Variants in NRXN3 observed in about 807,000 individuals in gnomAD.
NRXN3 encodes the protein neurexin 3.
Under a neutral mutation model 137.6 loss-of-function variants are expected in NRXN3, and 32 were observed. That is an observed-to-expected ratio of 0.23 (90% confidence interval 0.18 to 0.31). NRXN3 has a LOEUF of 0.31. Among genes scored for constraint, NRXN3 ranks in the 10% least tolerant of loss-of-function variants. NRXN3 has a pLI of 1.00. For synonymous variants in NRXN3, 798 were observed against 784.5 expected (o/e 1.02, Z -0.29); for missense variants, 1,574 against 2,062.5 (o/e 0.76, Z 4.59).
At chr14:78,541,491 G>A (rs1397797955) in intron 4 of NRXN3, among the ~76,000 whole-genome samples, 4 of 152,114 alleles carry the variant, frequency 2.6e-5, no homozygotes, top group African/African-American at 9.7e-5. Context: ...TTCTCTCACT[G>A]TTTGTTCTAG....
At chr14:78,237,009 G>A (rs538011183) in intron 1 of NRXN3, among the ~76,000 whole-genome samples, 21 of 152,308 alleles carry the variant, frequency 1.4e-4, no homozygotes, top group African/African-American at 4.6e-4. Flanking sequence ...GTTTAATTGA[G>A]GGAGCACATT....
At position 78,578,018 on chromosome 14, in the gene NRXN3, T is replaced by C. The variant is rs538578361; in HGVS notation, c.758-67102T>C. Among the ~76,000 whole-genome samples, 20 of 152,272 alleles carry C rather than the reference T, an allele frequency of 1.3e-4. No homozygotes were observed. The South Asian group carries it at 3.9e-3, about 30-fold the overall frequency. On this transcript the variant is annotated intron_variant, in intron 4 of 20. Transcript: ENST00000335750. Reference sequence around the variant, plus strand: ...GAAATAAAGAATGTTTTTTAAATGATTGAGTCATCTAAGTCAGCTATGTAA... The same window carrying C: ...GAAATAAAGAATGTTTTTTAAATGACTGAGTCATCTAAGTCAGCTATGTAA...
chr14:79,573,829 AG>A (rs1306476346), intron 16 of NRXN3, among the ~76,000 whole-genome samples: 1 of 152,108 alleles, frequency 6.6e-6, no homozygotes, highest in Non-Finnish European at 1.5e-5. Flanking sequence ...GGCCAGGCTG[AG>A]GGTATGGTAC....
At chr14:79,217,275 A>G (rs2153229876) in intron 15 of NRXN3, among the ~76,000 whole-genome samples, 1 of 152,290 alleles carries the variant, frequency 6.6e-6, no homozygotes, top group African/African-American at 2.4e-5. Flanking sequence ...GTGGAAGGCG[A>G]AGCAGGAACA....
chr14:79,407,861 T>C (rs1429627406), intron 15 of NRXN3, among the ~76,000 whole-genome samples: 3 of 152,138 alleles, frequency 2.0e-5, no homozygotes, highest in Non-Finnish European at 4.4e-5. Context: ...TAGTCTTTAG[T>C]GAATGGAACT....
At chr14:79,750,698 C>G (rs767578603) in intron 19 of NRXN3, among the ~76,000 whole-genome samples, 8 of 152,152 alleles carry the variant, frequency 5.3e-5, no homozygotes, top group Non-Finnish European at 1.2e-4. Context: ...GTCTTATTGA[C>G]TGAGTCATAC....
chr14:78,697,401 A>G (rs1384280625), intron 6 of NRXN3, among the ~76,000 whole-genome samples: 1 of 152,016 alleles, frequency 6.6e-6, no homozygotes, highest in Non-Finnish European at 1.5e-5. Context: ...AATACTACCA[A>G]AGTGGACACA....
chr14:78,672,834 G>A (rs944193574), intron 6 of NRXN3, among the ~76,000 whole-genome samples: 2 of 152,114 alleles, frequency 1.3e-5, no homozygotes, highest in East Asian at 3.8e-4. Flanking sequence ...AAAATAAAGT[G>A]AAATCTGTAA....
At chr14:79,850,237 C>T (rs1178928739) in intron 20 of NRXN3, among the ~76,000 whole-genome samples, 4 of 152,304 alleles carry the variant, frequency 2.6e-5, no homozygotes, top group Admixed American at 6.5e-5. Flanking sequence ...CAGTGTTGCA[C>T]GAAGACTGTT....
chr14:78,929,007 G>C (rs1054818423), intron 10 of NRXN3, among the ~76,000 whole-genome samples: 2 of 152,086 alleles, frequency 1.3e-5, no homozygotes, highest in Non-Finnish European at 1.5e-5. Context: ...GGTATGAGAT[G>C]GTATCTCACT....
intron 10 of NRXN3, among the ~76,000 whole-genome samples, chr14:78,897,147 T>C (rs1362416287): frequency 6.6e-6 from 1 of 151,852 alleles, no homozygotes; most frequent in Admixed American, 6.6e-5. Context: ...TTTACAGAAA[T>C]TTTACCGATG....
intron 4 of NRXN3, among the ~76,000 whole-genome samples, chr14:78,575,113 G>A (rs1013875143): frequency 9.9e-5 from 15 of 152,144 alleles, no homozygotes; most frequent in African/African-American, 2.9e-4. Context: ...GTCCCCTGCC[G>A]CCCTGTGAGG....
intron 4 of NRXN3, among the ~76,000 whole-genome samples, chr14:78,589,560 A>G (rs928133373): frequency 6.6e-6 from 1 of 152,152 alleles, no homozygotes; most frequent in Non-Finnish European, 1.5e-5. Context: ...GGTCTCTTGC[A>G]CTTGTTGCCT....
At chr14:79,633,615 CTTCTG>C (rs2098378909) in intron 16 of NRXN3, among the ~76,000 whole-genome samples, 4 of 152,184 alleles carry the variant, frequency 2.6e-5, no homozygotes, top group Non-Finnish European at 4.4e-5. Flanking sequence ...CAAACCACCT[CTTCTG>C]TTCTGCTCTT....
chr14:78,507,528 C>T (rs372600950), intron 4 of NRXN3, among the ~76,000 whole-genome samples: 16 of 152,150 alleles, frequency 1.1e-4, no homozygotes, highest in African/African-American at 1.7e-4. Context: ...TTAGCATGAG[C>T]GACGAGTTAG....
intron 20 of NRXN3, among the ~76,000 whole-genome samples, chr14:79,856,948 C>T (rs185391169): frequency 1.3e-5 from 2 of 152,036 alleles, no homozygotes; most frequent in Admixed American, 1.3e-4. Context: ...AGCTTTTATC[C>T]CAAACTAAAG....
At chr14:78,841,344 T>C (rs1208726704) in intron 10 of NRXN3, among the ~76,000 whole-genome samples, 1 of 152,062 alleles carries the variant, frequency 6.6e-6, no homozygotes, top group East Asian at 1.9e-4. Context: ...ATTTCCTTTC[T>C]TTAAGGGTGT....
chr14:79,072,941 A>C (rs956805088), intron 15 of NRXN3, among the ~76,000 whole-genome samples: 14 of 146,010 alleles, frequency 9.6e-5, no homozygotes, highest in African/African-American at 3.1e-4. Flanking sequence ...GCTGGAGTGC[A>C]GTGGTGCAAT....
At chr14:78,683,675 A>G (rs760430076) in intron 6 of NRXN3, among the ~76,000 whole-genome samples, 5 of 152,180 alleles carry the variant, frequency 3.3e-5, no homozygotes, top group Non-Finnish European at 5.9e-5. Flanking sequence ...AAGAGAGGAG[A>G]GGATCTTTAT....
Sources: allele counts gnomAD v4.1 joint callset (sites outside exome capture counted in the v4.1 genomes callset), GRCh38; gene constraint gnomAD v4.1.1; transcripts MANE v1.5; gene names NCBI Gene and HGNC (gene_info 2026-07-23, HGNC 2026-07-21).